Variants in DTNB observed in about 807,000 individuals in gnomAD.
DTNB encodes the protein dystrobrevin beta.
Under a neutral mutation model 90.7 loss-of-function variants are expected in DTNB, and 63 were observed. That is an observed-to-expected ratio of 0.69 (90% CI 0.57 to 0.86). DTNB has a LOEUF of 0.86. DTNB is among the 40% of genes least tolerant of loss of function. The pLI is 0.00. For synonymous variants in DTNB, 277 were observed against 286.7 expected (o/e 0.97, Z 0.34); for missense variants, 744 against 807.1 (o/e 0.92, Z 0.95).
At chr2:25,647,116 A>G (rs2079650180) in intron 2 of DTNB, among the ~76,000 whole-genome samples, 1 of 152,266 alleles carries the variant, frequency 6.6e-6, no homozygotes, top group African/African-American at 2.4e-5. Flanking sequence ...ACTGAAAGAA[A>G]GCCAGCATTA....
chr2:25,386,128 T>C, intron 18 of DTNB: 1 of 985,006 alleles, frequency 1.0e-6, no homozygotes, highest in Non-Finnish European at 1.2e-6. Context: ...ATGGAGAGGG[T>C]GGCACCATCA....
chr2:25,556,760 T>A (rs1386058293), intron 8 of DTNB, among the ~76,000 whole-genome samples: 2 of 152,094 alleles, frequency 1.3e-5, no homozygotes, highest in African/African-American at 4.8e-5. Context: ...TTAAAGGATA[T>A]ACAGAGGTTG....
chr2:25,513,477 C>T (rs1275822493), intron 9 of DTNB, among the ~76,000 whole-genome samples: 1 of 152,152 alleles, frequency 6.6e-6, no homozygotes, highest in African/African-American at 2.4e-5. Flanking sequence ...AATCCTAGCA[C>T]TTTGGGAGGC....
At chr2:25,414,042 A>AT (rs1428555420) in intron 16 of DTNB, among the ~76,000 whole-genome samples, 1 of 152,112 alleles carries the variant, frequency 6.6e-6, no homozygotes, top group Non-Finnish European at 1.5e-5. Flanking sequence ...GATGACGAGC[A>AT]TTTTTTCATG....
chr2:25,380,896 C>T (rs1573592439), intron 19 of DTNB, among the ~76,000 whole-genome samples: 1 of 152,298 alleles, frequency 6.6e-6, no homozygotes, highest in African/African-American at 2.4e-5. Context: ...GGTGCAGAGA[C>T]AGCACCCTGG....
At position 25,532,668 on chromosome 2, in the gene DTNB, C is replaced by T. The variant is rs550757712; in HGVS notation, c.877-1071G>A. Among the ~76,000 whole-genome samples the T allele has an allele frequency of 1.5e-4, 23 of 152,262 alleles. No homozygotes were observed. In the South Asian group the frequency reaches 2.9e-3, roughly 19 times the overall value. Reference sequence around the variant, plus strand: ...GAGGCTCCTTTTATACAGATTATACCGTCCACCCAATTCCCCTAAAATAAC... The same window carrying T: ...GAGGCTCCTTTTATACAGATTATACTGTCCACCCAATTCCCCTAAAATAAC... On this transcript the variant is annotated intron_variant, in intron 8 of 20. Coordinates refer to ENST00000406818, the MANE Select transcript of DTNB (RefSeq NM_021907.5).
intron 9 of DTNB, among the ~76,000 whole-genome samples, chr2:25,511,969 A>G (rs535662391): frequency 1.3e-5 from 2 of 152,244 alleles, no homozygotes; most frequent in South Asian, 4.1e-4. Flanking sequence ...TAAAAAAGTG[A>G]AAAACCAAGG....
At chr2:25,669,918 A>AT (rs909874329) in intron 1 of DTNB, among the ~76,000 whole-genome samples, 21 of 151,864 alleles carry the variant, frequency 1.4e-4, no homozygotes, top group African/African-American at 5.1e-4. Flanking sequence ...AAAAAAAAAA[A>AT]GCCTACAACT....
Position 25,454,590 on chromosome 2 carries a change from T to C in DTNB, c.1169+815A>G, listed in dbSNP as rs942830495. Among the ~76,000 whole-genome samples the C allele has an allele frequency of 1.4e-4, 21 of 152,208 alleles. No individual in the cohort carries two copies. The East Asian group carries it at 2.3e-3, about 17-fold the overall frequency. On this transcript the variant is annotated intron_variant, in intron 11 of 20. Coordinates refer to ENST00000406818, the MANE Select transcript of DTNB (RefSeq NM_021907.5). ...ACCTGTCATCCTACTTGAAGAATGG[T>C]GGTGGGTGTGGGCATGGAGTGAGCA...
intron 6 of DTNB, among the ~76,000 whole-genome samples, chr2:25,582,082 A>C (rs59823331): frequency 0.021 from 3,265 of 152,356 alleles, 116 homozygotes; most frequent in African/African-American, 0.074. Context: ...AAAATGTTTA[A>C]ATCATTTATT....
chr2:25,431,947 T>C (rs192330825), intron 14 of DTNB, among the ~76,000 whole-genome samples: 84 of 152,314 alleles, frequency 5.5e-4, no homozygotes, highest in Non-Finnish European at 9.7e-4. Flanking sequence ...ATGATTTTTT[T>C]TCACCTGCAC....
intron 2 of DTNB, among the ~76,000 whole-genome samples, chr2:25,651,085 G>A (rs1282446723): frequency 6.6e-6 from 1 of 152,136 alleles, no homozygotes; most frequent in Non-Finnish European, 1.5e-5. Context: ...TATTGCTTTG[G>A]TTCAGAAAAG....
chr2:25,650,000 A>C (rs1256030823), intron 2 of DTNB: 1 of 983,832 alleles, frequency 1.0e-6, no homozygotes, highest in East Asian at 1.1e-4. Context: ...GAAATATAGG[A>C]GACTCAAGAA....
At chr2:25,611,593 G>T (rs1219130564) in intron 4 of DTNB, among the ~76,000 whole-genome samples, 2 of 152,264 alleles carry the variant, frequency 1.3e-5, no homozygotes, top group South Asian at 4.2e-4. Context: ...GCAATGCTGA[G>T]GAGTTTGAAA....
intron 6 of DTNB, among the ~76,000 whole-genome samples, chr2:25,591,097 C>T (rs758401820): frequency 2.6e-5 from 4 of 152,244 alleles, no homozygotes; most frequent in Non-Finnish European, 5.9e-5. Flanking sequence ...GCCTCAGCCT[C>T]GCTCTGACAC....
intron 2 of DTNB, among the ~76,000 whole-genome samples, chr2:25,649,531 C>A (rs981973155): frequency 6.6e-6 from 1 of 151,984 alleles, no homozygotes; most frequent in Admixed American, 6.6e-5. Context: ...CCAGCCTGGG[C>A]ACCATAGTGT....
At chr2:25,478,592 C>T (rs763823107) in intron 10 of DTNB, among the ~76,000 whole-genome samples, 2 of 151,900 alleles carry the variant, frequency 1.3e-5, no homozygotes, top group Non-Finnish European at 2.9e-5. Flanking sequence ...TGGCTATTCA[C>T]GGCATGATCA....
rs146831154 is a variant in DTNB at position 25,456,272 on chromosome 2, T to C, written c.1080-778A>G. On this transcript the variant is annotated intron_variant, in intron 10 of 20. Transcript: ENST00000406818. ...AATCGAATTTTCATTCCTCCAACAT[T>C]TTGTGCAGGGACGAGTGGCTAAAAG... Among the ~76,000 whole-genome samples, 769 of 152,296 alleles carry C rather than the reference T, an allele frequency of 5.0e-3. 9 individuals carry two copies. The highest frequency in any genetic ancestry group is 0.01 in the Middle Eastern group (3 of 294).
intron 2 of DTNB, among the ~76,000 whole-genome samples, chr2:25,648,625 T>C (rs1292004177): frequency 6.6e-6 from 1 of 152,176 alleles, no homozygotes. Flanking sequence ...ACTGCTTTTA[T>C]GCTACAATGG....
Sources: allele counts gnomAD v4.1 joint callset (sites outside exome capture counted in the v4.1 genomes callset), GRCh38; gene constraint gnomAD v4.1.1; transcripts MANE v1.5; gene names NCBI Gene and HGNC (gene_info 2026-07-23, HGNC 2026-07-21).